The following CNTNAP2 variants were observed in gnomAD, a reference collection of about 807,000 sequenced individuals.
The protein encoded by CNTNAP2 is contactin associated protein 2, also known as contactin-associated protein-like 2.
CNTNAP2 carries 98 observed loss-of-function variants against 155.2 expected under a neutral mutation model. That is an observed-to-expected ratio of 0.63 (90% CI 0.54 to 0.75). The LOEUF (loss-of-function observed/expected upper bound fraction) is 0.75. Ranked by LOEUF, CNTNAP2 falls within the 30% of genes least tolerant of loss-of-function variation. CNTNAP2 has a pLI of 0.00. For missense variants in CNTNAP2, 1,727 were observed against 1,688.1 expected (o/e 1.02, Z -0.40); for synonymous variants, 651 against 631.2 (o/e 1.03, Z -0.47).
At chr7:147,043,124 C>T (rs987075082) in intron 3 of CNTNAP2, among the ~76,000 whole-genome samples, 1 of 151,866 alleles carries the variant, frequency 6.6e-6, no homozygotes, top group Non-Finnish European at 1.5e-5. Flanking sequence ...TTTTGAGAGT[C>T]GAGTCTATGG....
At chr7:148,202,190 A>G (rs554392918) in intron 18 of CNTNAP2, among the ~76,000 whole-genome samples, 4 of 152,282 alleles carry the variant, frequency 2.6e-5, no homozygotes, top group East Asian at 3.9e-4. Flanking sequence ...GTGTTTTTAC[A>G]GTTCCCCTTG....
At chr7:147,537,959 T>C (rs910828209) in intron 11 of CNTNAP2, among the ~76,000 whole-genome samples, 1 of 152,230 alleles carries the variant, frequency 6.6e-6, no homozygotes, top group African/African-American at 2.4e-5. Flanking sequence ...CTCTATTTAT[T>C]TTATTTCTTC....
At chr7:146,226,215 T>A (rs1799290646) in intron 1 of CNTNAP2, among the ~76,000 whole-genome samples, 1 of 152,170 alleles carries the variant, frequency 6.6e-6, no homozygotes, top group Non-Finnish European at 1.5e-5. Context: ...CTTCCACATC[T>A]ACCAGGTTGA....
At chr7:147,458,092 CAATA>C (rs1368419059) in intron 10 of CNTNAP2, among the ~76,000 whole-genome samples, 1 of 150,398 alleles carries the variant, frequency 6.6e-6, no homozygotes, top group African/African-American at 2.4e-5. Context: ...TGGTGATAAT[CAATA>C]ATAATTGATA....
At chr7:146,234,240 G>GT (rs1314872956) in intron 1 of CNTNAP2, among the ~76,000 whole-genome samples, 2 of 152,228 alleles carry the variant, frequency 1.3e-5, no homozygotes, top group East Asian at 3.9e-4. Flanking sequence ...TTTCTCATGT[G>GT]TTTTTTGGCT....
chr7:147,323,981 T>A (rs1232597167), intron 9 of CNTNAP2, among the ~76,000 whole-genome samples: 1 of 152,114 alleles, frequency 6.6e-6, no homozygotes, highest in Admixed American at 6.6e-5. Flanking sequence ...TTTTTTTTCT[T>A]TAGCTTAGAA....
chr7:147,957,544 G>A (rs769893043), intron 14 of CNTNAP2, among the ~76,000 whole-genome samples: 23 of 152,072 alleles, frequency 1.5e-4, no homozygotes, highest in Non-Finnish European at 2.8e-4. Context: ...AAGTGCAATC[G>A]GATGAAAAAA....
intron 18 of CNTNAP2, among the ~76,000 whole-genome samples, chr7:148,176,791 A>T (rs1340993589): frequency 6.6e-6 from 1 of 152,128 alleles, no homozygotes; most frequent in East Asian, 1.9e-4. Context: ...CCAATGCAGA[A>T]TTCCTTGGCA....
intron 13 of CNTNAP2, among the ~76,000 whole-genome samples, chr7:147,712,696 A>G (rs1051314404): frequency 1.3e-5 from 2 of 152,216 alleles, no homozygotes; most frequent in Admixed American, 1.3e-4. Context: ...TTGAACAATA[A>G]GAACACTTGG....
At chr7:146,270,797 G>A (rs974453133) in intron 1 of CNTNAP2, among the ~76,000 whole-genome samples, 4 of 151,914 alleles carry the variant, frequency 2.6e-5, no homozygotes, top group Non-Finnish European at 5.9e-5. Flanking sequence ...TCGATAAAAA[G>A]CACACTGTTT....
chr7:147,808,437 C>G (rs1798127131), intron 13 of CNTNAP2, among the ~76,000 whole-genome samples: 1 of 152,192 alleles, frequency 6.6e-6, no homozygotes, highest in Non-Finnish European at 1.5e-5. Flanking sequence ...TTCCCTCCTC[C>G]TCAAATTACC....
At chr7:146,755,277 C>G (rs1801975616) in intron 1 of CNTNAP2, among the ~76,000 whole-genome samples, 1 of 151,974 alleles carries the variant, frequency 6.6e-6, no homozygotes, top group African/African-American at 2.4e-5. Context: ...TAGAGAATGT[C>G]TGCAATCTAT....
chr7:148,102,914 A>G (rs1190438522), intron 15 of CNTNAP2, among the ~76,000 whole-genome samples: 2 of 152,222 alleles, frequency 1.3e-5, no homozygotes, highest in Non-Finnish European at 2.9e-5. Flanking sequence ...CATGTGCCCA[A>G]GGTGGTCAGG....
intron 2 of CNTNAP2, among the ~76,000 whole-genome samples, chr7:146,828,000 A>G (rs181256900): frequency 4.7e-4 from 71 of 152,234 alleles, no homozygotes; most frequent in Admixed American, 3.5e-3. Flanking sequence ...CTGGTTTTCC[A>G]TATGGTAAAA....
At chr7:147,087,369 T>G (rs1800299827) in intron 4 of CNTNAP2, among the ~76,000 whole-genome samples, 1 of 152,118 alleles carries the variant, frequency 6.6e-6, no homozygotes, top group Non-Finnish European at 1.5e-5. Flanking sequence ...ATTTTCTTTG[T>G]TCTGTTTTTT....
chr7:147,776,487 G>A (rs774715489), intron 13 of CNTNAP2, among the ~76,000 whole-genome samples: 4 of 152,156 alleles, frequency 2.6e-5, no homozygotes, highest in Admixed American at 6.5e-5. Context: ...ATGCACACAC[G>A]TGGATTAATG....
At chr7:146,938,926 A>G (rs1796986265) in intron 3 of CNTNAP2, among the ~76,000 whole-genome samples, 1 of 152,132 alleles carries the variant, frequency 6.6e-6, no homozygotes, top group African/African-American at 2.4e-5. Context: ...TTGAAAGTGA[A>G]TTTACAAATT....
chr7:147,054,799 T>C (rs1222057381), intron 4 of CNTNAP2, among the ~76,000 whole-genome samples: 6 of 152,156 alleles, frequency 3.9e-5, no homozygotes, highest in Non-Finnish European at 8.8e-5. Context: ...TCAGTGATTT[T>C]CAGAGATTAA....
At chr7:146,214,378 T>G (rs575740006) in intron 1 of CNTNAP2, among the ~76,000 whole-genome samples, 1 of 152,350 alleles carries the variant, frequency 6.6e-6, no homozygotes, top group Non-Finnish European at 1.5e-5. Context: ...TGTCATTGTA[T>G]TTACCATTCA....
Sources: gnomAD v4.1 joint callset for allele counts (sites outside exome capture counted in the v4.1 genomes callset) on GRCh38, gnomAD v4.1.1 for gene constraint, MANE v1.5 for transcripts, NCBI Gene and HGNC (gene_info 2026-07-23, HGNC 2026-07-21) for gene names.